The following SYMPK variants were observed in gnomAD, a reference collection of about 807,000 sequenced individuals.
SYMPK encodes symplekin.
In SYMPK, 49 loss-of-function variants were observed where a neutral mutation model predicts 136.4. The observed-to-expected ratio is 0.36, with a 90% confidence interval of 0.29 to 0.46. SYMPK has a LOEUF of 0.46. Among genes scored for constraint, SYMPK ranks in the 20% least tolerant of loss-of-function variants. SYMPK has a pLI of 1.00. For missense variants in SYMPK, 1,365 were observed against 1,690.0 expected (o/e 0.81, Z 3.37); for synonymous variants, 766 against 713.0 (o/e 1.07, Z -1.19).
Position 45,848,021 on chromosome 19 carries a change from G to A in SYMPK, c.427-20C>T, listed in dbSNP as rs375436324. ...CATCCACTGCCAGCAGGCCAGGAAG[G>A]AATGGAAGAGACACACAAAGAGGTG... On this transcript the variant is annotated intron_variant, in intron 6 of 26. Transcript: ENST00000245934. The A allele has an allele frequency of 1.3e-6, 2 of 1,558,244 alleles. No individual in the cohort carries two copies. Among genetic ancestry groups the A allele is most frequent in the Non-Finnish European group, 1.7e-6 (2 of 1,145,548 alleles).
chr19:45,828,360 T>A (rs768746429), intron 14 of SYMPK: 1 of 189,494 alleles, frequency 5.3e-6, no homozygotes, highest in Non-Finnish European at 1.1e-5. Flanking sequence ...CGCCCTGAAT[T>A]TGACATGTTC....
intron 9 of SYMPK, among the ~76,000 whole-genome samples, chr19:45,840,933 G>A (rs1971420791): frequency 6.6e-6 from 1 of 151,896 alleles, no homozygotes; most frequent in South Asian, 2.1e-4. Flanking sequence ...ACTCTGCTTA[G>A]TATACTTAAT....
intron 9 of SYMPK, among the ~76,000 whole-genome samples, chr19:45,840,552 A>C (rs1971410411): frequency 6.6e-6 from 1 of 152,014 alleles, no homozygotes; most frequent in African/African-American, 2.4e-5. Flanking sequence ...AATCCCAGCT[A>C]CTTGGGAGGC....
At chr19:45,839,035 C>T (rs901851751) in intron 9 of SYMPK, among the ~76,000 whole-genome samples, 1 of 152,152 alleles carries the variant, frequency 6.6e-6, no homozygotes, top group African/African-American at 2.4e-5. Flanking sequence ...TATAGGCATG[C>T]GCCACCAGGC....
chr19:45,815,910 C>A lies in SYMPK; in HGVS notation c.3628G>T (p.Asp1210Tyr). 10 of 1,612,332 alleles carry A rather than the reference C, an allele frequency of 6.2e-6. No individual in the cohort carries two copies. The highest frequency in any genetic ancestry group is 8.5e-6 in the Non-Finnish European group (10 of 1,179,892). Residue 1210 changes from aspartate to tyrosine, a missense_variant, in exon 26 of 27, where the codon GAC becomes TAC. Physicochemically the swap from Asp to Tyr is radical, Grantham distance 160. This residue lies in a region of SYMPK where 341 missense variants were observed against 270.5 expected (regional missense o/e 1.26). Coordinates refer to ENST00000245934, the MANE Select transcript of SYMPK (RefSeq NM_004819.3). ...AGCGCGGCCTCGGTCAGCCCCGAGTCGTCATCCATGCTGATGAAGATGCCC... is the reference window on the plus strand; with the variant it reads ...AGCGCGGCCTCGGTCAGCCCCGAGTAGTCATCCATGCTGATGAAGATGCCC... ...TPGIFISMDD[D>Y]SGLTEAALLD...
intron 1 of SYMPK, chr19:45,862,507 T>C (rs553930449): frequency 9.9e-5 from 15 of 152,176 alleles, no homozygotes; most frequent in African/African-American, 2.9e-4. Context: ...CACACGGTCA[T>C]AGACATCATA....
chr19:45,854,879 C>CTTTTTTTTT lies in SYMPK; in HGVS notation c.-12-381_-12-373dup, dbSNP rs35065812. The CTTTTTTTTT allele has an allele frequency of 3.5e-3, 536 of 155,212 alleles. 2 individuals are homozygous for CTTTTTTTTT. Among genetic ancestry groups the CTTTTTTTTT allele is most frequent in the South Asian group, 5.3e-3 (37 of 6,996 alleles). The allele number at this position is 155,212 out of a possible 1,614,324, so 9.6% of individuals were successfully genotyped here. A position where few individuals can be genotyped will look rare whatever the true frequency, so the allele number is the denominator to read the frequency against. The stretch of plus-strand genomic sequence containing the variant: ...TGGACTGGGCACCACAGCAAACTTT[C>CTTTTTTTTT]TTTTTTTTTTTTTTTTGAGATGAAG... On this transcript the variant is annotated intron_variant, in intron 1 of 26. Transcript: ENST00000245934.
In SYMPK at chr19:45,854,424, C is replaced by A; in HGVS notation, c.72G>T (p.Gly24=). 6.2e-7 allele frequency: 1 copy of A among 1,614,188 alleles called. No homozygotes were observed. The highest frequency in any genetic ancestry group is 8.5e-7 in the Non-Finnish European group (1 of 1,180,038). The change falls in exon 2 of 27, where the codon GGG becomes GGT. Residue 24 remains glycine (G), a synonymous_variant. Coordinates refer to ENST00000245934, the MANE Select transcript of SYMPK (RefSeq NM_004819.3). The part of the protein sequence containing the change: ...VASQFFTQEE[G]PGIDGMTTSE... ...AGGTGGTCATGCCATCGATGCCCGG[C>A]CCCTCCTCTTGAGTGAAAAACTGTG... is the stretch of plus-strand genomic sequence containing the variant.
At chr19:45,846,153 G>A (rs762016368) in intron 7 of SYMPK, among the ~76,000 whole-genome samples, 58 of 152,304 alleles carry the variant, frequency 3.8e-4, no homozygotes, top group Non-Finnish European at 6.2e-4. Context: ...GGAGAATGGC[G>A]TGAACACGGG....
In SYMPK at chr19:45,815,526, T is replaced by TG; in HGVS notation, c.*33_*34insC. The TG allele has an allele frequency of 8.1e-7, 1 of 1,232,602 alleles. No individual in the cohort carries two copies. The highest frequency in any genetic ancestry group is 1.1e-6 in the Non-Finnish European group (1 of 936,976). The allele number at this position is 1,232,602 out of a possible 1,614,324, so 76.4% of individuals were successfully genotyped here. ...CCCCGCCCCGTCCCCCAGCCCCGAG[T>TG]CCCTGTCCCACCCCCTTTCCCCCTC... On this transcript the variant is annotated 3_prime_UTR_variant, in exon 27 of 27. Transcript: ENST00000245934.
At position 45,852,456 on chromosome 19, in the gene SYMPK, C is replaced by A. The variant is rs201166753; in HGVS notation, c.225+26G>T. On this transcript the variant is annotated intron_variant, in intron 4 of 26. Coordinates refer to ENST00000245934, the MANE Select transcript of SYMPK (RefSeq NM_004819.3). ...ACATCCCCTTTCCCCTACACCACACCCCTTTCTCTTCTGTCAGTCACTCAC... is the reference window on the plus strand; with the variant it reads ...ACATCCCCTTTCCCCTACACCACACACCTTTCTCTTCTGTCAGTCACTCAC... 597 of 1,614,216 alleles carry A rather than the reference C, an allele frequency of 3.7e-4. No homozygotes were observed. The highest frequency in any genetic ancestry group is 1.3e-3 in the Middle Eastern group (8 of 6,062).
In SYMPK at chr19:45,854,503, G is replaced by C. The variant is rs1384235146; in HGVS notation, c.-8C>G. ...TCCACTGCCGCTCGCCATGGCTGCT[G>C]TCAGCTTGTCCCCAGGAAAGAAGAG... On this transcript the variant is annotated 5_prime_UTR_variant, in exon 2 of 27. Coordinates refer to ENST00000245934, the MANE Select transcript of SYMPK (RefSeq NM_004819.3). 6.2e-7 allele frequency: 1 copy of C among 1,612,824 alleles called. No homozygotes were observed. Among genetic ancestry groups the C allele is most frequent in the Non-Finnish European group, 8.5e-7 (1 of 1,179,568 alleles).
chr19:45,848,268 A>C (rs1019620080), intron 6 of SYMPK, among the ~76,000 whole-genome samples: 4 of 152,240 alleles, frequency 2.6e-5, no homozygotes, highest in African/African-American at 9.6e-5. Flanking sequence ...TTCAGGGTAA[A>C]GGACTAACAG....
Position 45,839,528 on chromosome 19 carries a change from G to A in SYMPK, c.1088-913C>T, listed in dbSNP as rs534380892. Reference sequence around the variant, plus strand: ...AGCCAGTATAGAATAATAGACTCAGGCAACAATCATCACTGGATGTTAAAA... The same window carrying A: ...AGCCAGTATAGAATAATAGACTCAGACAACAATCATCACTGGATGTTAAAA... On this transcript the variant is annotated intron_variant, in intron 9 of 26. Transcript: ENST00000245934. 5.3e-5 allele frequency among the ~76,000 whole-genome samples: 8 copies of A among 152,240 alleles called. No homozygotes were observed. In the South Asian group the frequency reaches 1.5e-3, roughly 28 times the overall value.
At chr19:45,857,485 G>GA (rs1971855350) in intron 1 of SYMPK, among the ~76,000 whole-genome samples, 1 of 149,230 alleles carries the variant, frequency 6.7e-6, no homozygotes, top group African/African-American at 2.5e-5. Flanking sequence ...TGAGGACGGT[G>GA]AAAATGATAC....
rs563447071 is a variant in SYMPK at position 45,826,325 on chromosome 19, G to C, written c.2230C>G (p.Gln744Glu). The part of the protein sequence containing the change: ...LFIKRMYEKE[Q>E]LREYVEKFAL... ...AATTTCTCCACATACTCCCGCAGCT[G>C]CTCCTTCTCATACATGCGTTTGATG... The change falls in exon 17 of 27, where the codon CAG (glutamine) becomes GAG (glutamate). Residue 744 changes from glutamine (Q) to glutamate (E), a missense_variant. Around this residue, in one of 11 missense-constraint regions of SYMPK, gnomAD observed 303 missense variants for 326.6 expected, o/e 0.93. Transcript: ENST00000245934. 9 of 1,614,164 alleles carry C rather than the reference G, an allele frequency of 5.6e-6. No individual in the cohort carries two copies. Among genetic ancestry groups the C allele is most frequent in the Non-Finnish European group, 5.9e-6 (7 of 1,180,028 alleles).
At chr19:45,819,271 C>T (rs1400143518) in intron 22 of SYMPK, 2 of 152,344 alleles carry the variant, frequency 1.3e-5, no homozygotes, top group African/African-American at 4.8e-5. Context: ...AAGCTCAGAC[C>T]TGACTTGCCT....
At chr19:45,827,787 CAGGGCCCTGT>C in intron 15 of SYMPK, 40 bp downstream of exon 15, 1 of 1,594,234 alleles carries the variant, frequency 6.3e-7, no homozygotes, top group South Asian at 1.1e-5. Context: ...CCCCTCAGGG[CAGGGCCCTGT>C]CCCCTGCCCC....
intron 23 of SYMPK, among the ~76,000 whole-genome samples, chr19:45,817,731 A>G (rs1401240094): frequency 6.6e-6 from 1 of 152,056 alleles, no homozygotes; most frequent in Non-Finnish European, 1.5e-5. Flanking sequence ...CCGGGTGCAC[A>G]CCCCTTGAGG....
Sources: gnomAD v4.1 joint callset for allele counts (sites outside exome capture counted in the v4.1 genomes callset) on GRCh38, gnomAD v4.1.1 for gene constraint, gnomAD v4.1.1 regional missense constraint, MANE v1.5 for transcripts, NCBI Gene and HGNC (gene_info 2026-07-23, HGNC 2026-07-21) for gene names.